The following ADGRL2 variants were observed in gnomAD, a reference collection of about 807,000 sequenced individuals.
ADGRL2 encodes adhesion G protein-coupled receptor L2.
A neutral mutation model predicts 157.4 loss-of-function variants in ADGRL2; 44 were observed. That is an observed-to-expected ratio of 0.28 (90% CI 0.22 to 0.36). The LOEUF is 0.36. ADGRL2 is among the 10% of genes least tolerant of loss of function. ADGRL2 has a pLI of 1.00. For synonymous variants in ADGRL2, 585 were observed against 624.7 expected (o/e 0.94, Z 0.95); for missense variants, 1,510 against 1,768.9 (o/e 0.85, Z 2.63).
intron 3 of ADGRL2, among the ~76,000 whole-genome samples, chr1:81,624,634 AC>A (rs2081871762): frequency 6.6e-6 from 1 of 152,190 alleles, no homozygotes. Context: ...TGGAGAACAT[AC>A]TGGTCAGAGA....
At chr1:81,537,304 A>G (rs1331440350) in intron 2 of ADGRL2, among the ~76,000 whole-genome samples, 1 of 152,006 alleles carries the variant, frequency 6.6e-6, no homozygotes, top group Non-Finnish European at 1.5e-5. Flanking sequence ...TGTTTTTGAG[A>G]TGGAATTTCG....
At chr1:81,671,236 G>A (rs1474311704) in intron 3 of ADGRL2, among the ~76,000 whole-genome samples, 3 of 152,150 alleles carry the variant, frequency 2.0e-5, no homozygotes, top group Admixed American at 2.0e-4. Context: ...AGAGGCCCAC[G>A]CTGGCCCTAG....
chr1:81,509,384 A>AG (rs1368516431), intron 2 of ADGRL2, among the ~76,000 whole-genome samples: 16 of 152,010 alleles, frequency 1.1e-4, no homozygotes, highest in African/African-American at 3.6e-4. Context: ...AAAAAAAAAA[A>AG]GCTGCTTCCT....
rs138669411 is a variant in ADGRL2 at position 81,320,757 on chromosome 1, T to C, written c.-302+14248T>C. Reference sequence around the variant, plus strand: ...CATCCAGGCTTTGTCATTTCATTTATAGGGCACAGACAGAGTAGATTTAGC... The same window carrying C: ...CATCCAGGCTTTGTCATTTCATTTACAGGGCACAGACAGAGTAGATTTAGC... On this transcript the variant is annotated intron_variant, in intron 1 of 24. Transcript: ENST00000370721. Among the ~76,000 whole-genome samples the C allele has an allele frequency of 2.8e-4, 42 of 152,356 alleles. No individual in the cohort carries two copies. In the East Asian group the frequency reaches 8.1e-3, roughly 29 times the overall value.
In ADGRL2 at chr1:81,968,141, C is replaced by G; in HGVS notation, c.2465C>G (p.Thr822Arg). Residue 822 changes from threonine to arginine, a missense_variant, in exon 14 of 24, where the codon ACG becomes AGG. Coordinates refer to ENST00000686636, the MANE Select transcript of ADGRL2 (RefSeq NM_001366006.2). The part of the protein sequence containing the change: ...KLVDTNKTRT[T>R]CACSHLTNFA... ...GTTGACACTAATAAAACTCGAACAACGTGTGCATGCAGCCACCTAACCAAT... is the reference window on the plus strand; with the variant it reads ...GTTGACACTAATAAAACTCGAACAAGGTGTGCATGCAGCCACCTAACCAAT... 1 of 1,612,864 alleles carries G rather than the reference C, an allele frequency of 6.2e-7. No individual in the cohort carries two copies. Among genetic ancestry groups the G allele is most frequent in the Non-Finnish European group, 8.5e-7 (1 of 1,179,662 alleles).
intron 2 of ADGRL2, among the ~76,000 whole-genome samples, chr1:81,892,386 T>C (rs1042222429): frequency 6.6e-5 from 10 of 152,272 alleles, no homozygotes; most frequent in Admixed American, 5.9e-4. Context: ...TTAAAAAATG[T>C]AGTTATTGAC....
At chr1:81,521,645 T>C (rs2079317359) in intron 2 of ADGRL2, among the ~76,000 whole-genome samples, 1 of 152,204 alleles carries the variant, frequency 6.6e-6, no homozygotes, top group East Asian at 1.9e-4. Flanking sequence ...AAATGATAAA[T>C]AGCATGTCAT....
chr1:81,605,721 G>A lies in ADGRL2; in HGVS notation c.-143+24741G>A, dbSNP rs188362996. 5.0e-3 allele frequency among the ~76,000 whole-genome samples: 755 copies of A among 152,214 alleles called. 3 individuals carry two copies. The highest frequency in any genetic ancestry group is 8.4e-3 in the Non-Finnish European group (569 of 68,000). Reference sequence around the variant, plus strand: ...TTGGGAGAAACTTAACACATCAAAGGCTGATTTACATCAGTCATTTTTGTC... The same window carrying A: ...TTGGGAGAAACTTAACACATCAAAGACTGATTTACATCAGTCATTTTTGTC... On this transcript the variant is annotated intron_variant, in intron 3 of 24. Coordinates refer to the ADGRL2 transcript ENST00000370721.
intron 2 of ADGRL2, among the ~76,000 whole-genome samples, chr1:81,863,888 G>A (rs2093459583): frequency 1.3e-5 from 2 of 152,158 alleles, no homozygotes; most frequent in Non-Finnish European, 2.9e-5. Context: ...AGTACCAAGA[G>A]TTGAATTAAT....
chr1:81,723,136 C>T (rs1453132616), intron 1 of ADGRL2: 3 of 639,156 alleles, frequency 4.7e-6, no homozygotes, highest in Non-Finnish European at 8.5e-6. Flanking sequence ...ATGGATGTCG[C>T]AATAATACAA....
chr1:81,844,706 C>T (rs1458956844), intron 2 of ADGRL2, among the ~76,000 whole-genome samples: 4 of 152,154 alleles, frequency 2.6e-5, no homozygotes, highest in Non-Finnish European at 4.4e-5. Context: ...GTCAACTTGA[C>T]AGAAGTGATT....
chr1:81,458,544 C>T (rs1334759896), intron 2 of ADGRL2, among the ~76,000 whole-genome samples: 1 of 152,200 alleles, frequency 6.6e-6, no homozygotes, highest in African/African-American at 2.4e-5. Context: ...ACTCAGTCCT[C>T]TGGACTCACA....
chr1:81,457,899 C>T (rs940266614), intron 2 of ADGRL2, among the ~76,000 whole-genome samples: 1 of 152,062 alleles, frequency 6.6e-6, no homozygotes, highest in African/African-American at 2.4e-5. Context: ...TTCAATTTGC[C>T]ACTATGGAAT....
At chr1:81,866,436 A>G (rs1043355827) in intron 2 of ADGRL2, among the ~76,000 whole-genome samples, 2 of 152,146 alleles carry the variant, frequency 1.3e-5, no homozygotes, top group African/African-American at 4.8e-5. Flanking sequence ...GTTTTGTTTC[A>G]TAGAATAGTA....
At chr1:81,656,734 G>A (rs1486046236) in intron 3 of ADGRL2, among the ~76,000 whole-genome samples, 1 of 152,128 alleles carries the variant, frequency 6.6e-6, no homozygotes, top group Non-Finnish European at 1.5e-5. Context: ...TCAGGGCCAG[G>A]CATGGTGGCT....
chr1:81,970,783 A>G (rs1658503209), intron 16 of ADGRL2, among the ~76,000 whole-genome samples: 1 of 152,172 alleles, frequency 6.6e-6, no homozygotes, highest in South Asian at 2.1e-4. Flanking sequence ...CCTGAAACAA[A>G]TTGAAAAAGT....
chr1:81,632,138 A>G (rs1315261146), intron 3 of ADGRL2, among the ~76,000 whole-genome samples: 1 of 152,234 alleles, frequency 6.6e-6, no homozygotes, highest in Non-Finnish European at 1.5e-5. Context: ...GGGATATGGC[A>G]TTAAACAAAA....
intron 2 of ADGRL2, among the ~76,000 whole-genome samples, chr1:81,476,053 G>A (rs1571078231): frequency 6.6e-6 from 1 of 152,250 alleles, no homozygotes; most frequent in East Asian, 1.9e-4. Context: ...CGTCAACATT[G>A]AGGAACCTAC....
At chr1:81,511,474 A>G (rs1557747079) in intron 2 of ADGRL2, among the ~76,000 whole-genome samples, 1 of 151,872 alleles carries the variant, frequency 6.6e-6, no homozygotes, top group Non-Finnish European at 1.5e-5. Context: ...ATACTTCTCA[A>G]CATACCAACG....
Sources: allele counts gnomAD v4.1 joint callset (sites outside exome capture counted in the v4.1 genomes callset), GRCh38; gene constraint gnomAD v4.1.1; transcripts MANE v1.5; gene names NCBI Gene and HGNC (gene_info 2026-07-23, HGNC 2026-07-21).